The following NT5DC3 variants were observed in gnomAD, a reference collection of about 807,000 sequenced individuals.
NT5DC3 encodes the protein 5'-nucleotidase domain containing 3.
In NT5DC3, 42 loss-of-function variants were observed where a neutral mutation model predicts 67.8. The ratio of observed to expected loss-of-function variants is 0.62; its 90% confidence interval spans 0.48 to 0.80. The LOEUF is 0.80. NT5DC3 is among the 30% of genes least tolerant of loss of function. NT5DC3 has a pLI of 0.00. For missense variants in NT5DC3, 570 were observed against 696.4 expected (o/e 0.82, Z 2.04); for synonymous variants, 237 against 255.6 (o/e 0.93, Z 0.69).
At chr12:103,796,687 C>G (rs779474333) in intron 6 of NT5DC3, among the ~76,000 whole-genome samples, 1 of 152,248 alleles carries the variant, frequency 6.6e-6, no homozygotes, top group Non-Finnish European at 1.5e-5. Flanking sequence ...AGCACCATCT[C>G]GTTTTAACAA....
At chr12:103,836,692 G>A (rs1313690801) in intron 1 of NT5DC3, among the ~76,000 whole-genome samples, 1 of 152,154 alleles carries the variant, frequency 6.6e-6, no homozygotes, top group Non-Finnish European at 1.5e-5. Flanking sequence ...TGGGATTTTG[G>A]GACGTGTGAA....
At chr12:103,781,455 G>A (rs1457505594) in intron 12 of NT5DC3, among the ~76,000 whole-genome samples, 1 of 152,212 alleles carries the variant, frequency 6.6e-6, no homozygotes, top group African/African-American at 2.4e-5. Flanking sequence ...CACCCTTCGG[G>A]CCTTACCTCC....
the NT5DC3 span, chr12:103,763,484 C>T: frequency 6.2e-7 from 1 of 1,613,276 alleles, no homozygotes; most frequent in Non-Finnish European, 8.5e-7. Context: ...GCTTGTCTTT[C>T]CAAACAGTCG....
chr12:103,750,922 C>A, the NT5DC3 span, among the ~76,000 whole-genome samples: 3 of 152,252 alleles, frequency 2.0e-5, no homozygotes, highest in African/African-American at 7.2e-5. Flanking sequence ...AAAACCCCAT[C>A]TCTACTAAAA....
At chr12:103,755,022 A>G in the NT5DC3 span, 1 of 403,972 alleles carries the variant, frequency 2.5e-6, no homozygotes, top group South Asian at 4.5e-5. Flanking sequence ...ACCTAGTATC[A>G]ATGGATGACA....
intron 6 of NT5DC3, among the ~76,000 whole-genome samples, chr12:103,795,277 T>C (rs950078586): frequency 1.3e-5 from 2 of 152,160 alleles, no homozygotes; most frequent in Non-Finnish European, 2.9e-5. Context: ...GTGCCTACCT[T>C]ATATTATTAT....
the NT5DC3 span, chr12:103,755,660 G>A: frequency 6.2e-7 from 1 of 1,614,154 alleles, no homozygotes; most frequent in Non-Finnish European, 8.5e-7. Flanking sequence ...GGCTTCTCAT[G>A]CAGTGGGAAC....
the NT5DC3 span, chr12:103,763,248 G>A: frequency 1.6e-5 from 8 of 494,994 alleles, no homozygotes; most frequent in Non-Finnish European, 2.9e-5. Context: ...CACATCCTGG[G>A]GTATGGAAAT....
At chr12:103,785,284 C>T (rs1885715106) in intron 12 of NT5DC3, 51 bp downstream of exon 12, 1 of 1,575,988 alleles carries the variant, frequency 6.3e-7, no homozygotes, top group African/African-American at 1.4e-5. Context: ...AAGTAACTTT[C>T]TAACCTCAGG....
downstream of NT5DC3, chr12:103,766,045 C>A (rs544254949): frequency 2.4e-4 from 158 of 659,346 alleles, no homozygotes; most frequent in Non-Finnish European, 4.0e-4. Context: ...AAACTGCAGC[C>A]GAGTTGGGAT....
chr12:103,759,386 C>T, the NT5DC3 span: 9 of 1,430,474 alleles, frequency 6.3e-6, no homozygotes, highest in Non-Finnish European at 8.4e-6. Flanking sequence ...AACTCTAAAC[C>T]TGCAGATAGG....
intron 1 of NT5DC3, among the ~76,000 whole-genome samples, chr12:103,836,207 C>T (rs1888140348): frequency 6.6e-6 from 1 of 152,194 alleles, no homozygotes; most frequent in African/African-American, 2.4e-5. Flanking sequence ...CATGTCCTCA[C>T]ATTTCAAAAC....
In NT5DC3 at chr12:103,774,664, A is replaced by T. The variant is rs1213362684; in HGVS notation, c.*3165T>A. 1.3e-5 allele frequency: 2 copies of T among 151,436 alleles called. No individual in the cohort carries two copies. The highest frequency in any genetic ancestry group is 2.9e-5 in the Non-Finnish European group (2 of 67,896). The allele number at this position is 151,436 out of a possible 1,614,324, so 9.4% of individuals were successfully genotyped here. A position where few individuals can be genotyped will look rare whatever the true frequency, so the allele number is the denominator to read the frequency against. On this transcript the variant is annotated 3_prime_UTR_variant, in exon 14 of 14. Coordinates refer to ENST00000392876, the MANE Select transcript of NT5DC3 (RefSeq NM_001031701.3). Reference sequence around the variant, plus strand: ...GTGCCATTGCACTCCGGCCTGGGCAAAAAGAGCAAAACTAAATCTCAAAAA... The same window carrying T: ...GTGCCATTGCACTCCGGCCTGGGCATAAAGAGCAAAACTAAATCTCAAAAA...
At chr12:103,809,568 TGGA>T (rs1274403125) in intron 2 of NT5DC3, among the ~76,000 whole-genome samples, 1 of 152,206 alleles carries the variant, frequency 6.6e-6, no homozygotes, top group Non-Finnish European at 1.5e-5. Flanking sequence ...CTCACAATCA[TGGA>T]GGAAAGTCAC....
intron 4 of NT5DC3, among the ~76,000 whole-genome samples, chr12:103,802,594 G>A (rs1368553727): frequency 1.3e-5 from 2 of 152,186 alleles, no homozygotes; most frequent in Non-Finnish European, 2.9e-5. Context: ...GGGCTTGGTA[G>A]TGCCAGGGGT....
intron 2 of NT5DC3, among the ~76,000 whole-genome samples, chr12:103,807,900 C>A (rs574495412): frequency 2.4e-4 from 37 of 152,280 alleles, no homozygotes; most frequent in African/African-American, 8.7e-4. Flanking sequence ...TGAGGGCTCC[C>A]CAGACACATG....
At chr12:103,809,326 C>T (rs533177047) in intron 2 of NT5DC3, among the ~76,000 whole-genome samples, 1 of 152,356 alleles carries the variant, frequency 6.6e-6, no homozygotes, top group African/African-American at 2.4e-5. Context: ...CTTATCTGGG[C>T]TCCCCAGCAG....
At chr12:103,765,096 A>C in the NT5DC3 span, among the ~76,000 whole-genome samples, 17 of 151,584 alleles carry the variant, frequency 1.1e-4, no homozygotes, top group African/African-American at 4.1e-4. Context: ...CAAAAAAAAA[A>C]AAAAAAAAAA....
chr12:103,797,161 A>G, intron 5 of NT5DC3, 130 bp from the exon 6 acceptor site: 2 of 959,306 alleles, frequency 2.1e-6, no homozygotes, highest in Non-Finnish European at 3.1e-6. Context: ...CAAAAAAGGA[A>G]AGTTCTAATA....
Sources: gnomAD v4.1 joint callset for allele counts (sites outside exome capture counted in the v4.1 genomes callset) on GRCh38, gnomAD v4.1.1 for gene constraint, MANE v1.5 for transcripts, NCBI Gene and HGNC (gene_info 2026-07-23, HGNC 2026-07-21) for gene names.